Variants in FREM1 observed in about 807,000 individuals in gnomAD.
FREM1 encodes FRAS1-related extracellular matrix protein 1.
In FREM1, 220 loss-of-function variants were observed where a neutral mutation model predicts 210.1. That is an observed-to-expected ratio of 1.05 (90% CI 0.94 to 1.17). The LOEUF is 1.17. Ranked by LOEUF, FREM1 falls within the 50% of genes most tolerant of loss-of-function variation. The pLI, the probability that FREM1 is intolerant of heterozygous loss-of-function variation, is 0.00. For missense variants in FREM1, 3,454 were observed against 2,675.5 expected (o/e 1.29, Z -6.42); for synonymous variants, 1,189 against 980.2 (o/e 1.21, Z -3.98).
intron 10 of FREM1, among the ~76,000 whole-genome samples, chr9:14,835,190 C>T (rs1344774537): frequency 1.3e-5 from 2 of 152,138 alleles, no homozygotes; most frequent in East Asian, 1.9e-4. Context: ...ATTGCTGATC[C>T]TTGTTTAGTT....
chr9:14,778,607 CAAAAAAAAAAAA>C (rs1169611171), intron 24 of FREM1, among the ~76,000 whole-genome samples: 3,869 of 31,238 alleles, frequency 0.12, 354 homozygotes, highest in East Asian at 0.51. Context: ...GAACCTGTCT[CAAAAAAAAAAAA>C]AAAAAAAAAA....
intron 22 of FREM1, among the ~76,000 whole-genome samples, chr9:14,790,073 T>C (rs903353418): frequency 1.4e-4 from 22 of 152,202 alleles, no homozygotes; most frequent in African/African-American, 5.3e-4. Context: ...TTCCCCTTGA[T>C]ACTTTGGTCC....
intron 6 of FREM1, among the ~76,000 whole-genome samples, chr9:14,849,058 C>T (rs1170321096): frequency 1.3e-5 from 2 of 152,164 alleles, no homozygotes; most frequent in Non-Finnish European, 2.9e-5. Context: ...AGGAGACCAA[C>T]CCCTTCCCAC....
chr9:14,885,453 C>T (rs1480084035), intron 1 of FREM1, among the ~76,000 whole-genome samples: 4 of 151,074 alleles, frequency 2.6e-5, no homozygotes, highest in Non-Finnish European at 3.0e-5. Flanking sequence ...GGGGTTTCAC[C>T]CTGTCGCCCA....
chr9:14,903,499 G>C (rs1378928837), intron 1 of FREM1, among the ~76,000 whole-genome samples: 1 of 152,066 alleles, frequency 6.6e-6, no homozygotes, highest in Admixed American at 6.6e-5. Context: ...CATCCTTATT[G>C]AGATCCTTCC....
At chr9:14,794,713 G>A (rs186139040) in intron 21 of FREM1, among the ~76,000 whole-genome samples, 41 of 152,260 alleles carry the variant, frequency 2.7e-4, no homozygotes, top group African/African-American at 9.6e-4. Flanking sequence ...ATAAAGTGGA[G>A]ATTGGGCCGG....
intron 24 of FREM1, among the ~76,000 whole-genome samples, chr9:14,783,120 A>G (rs1238995836): frequency 6.6e-6 from 1 of 152,246 alleles, no homozygotes; most frequent in African/African-American, 2.4e-5. Flanking sequence ...AGAAAAAAAT[A>G]AGATATTCGT....
chr9:14,800,190 A>G (rs1013599582), intron 20 of FREM1, among the ~76,000 whole-genome samples: 10 of 152,162 alleles, frequency 6.6e-5, no homozygotes, highest in African/African-American at 2.4e-4. Flanking sequence ...AACAAGTGCT[A>G]AGATGAAACA....
intron 24 of FREM1, among the ~76,000 whole-genome samples, chr9:14,777,353 T>A (rs1416204498): frequency 1.3e-5 from 2 of 152,046 alleles, no homozygotes; most frequent in African/African-American, 2.4e-5. Context: ...CATGAAATTA[T>A]GCAAACAAGG....
At chr9:14,750,028 A>G in intron 30 of FREM1, 99 bp downstream of exon 30, 1 of 1,229,668 alleles carries the variant, frequency 8.1e-7, no homozygotes, top group Non-Finnish European at 1.2e-6. Context: ...GAAATTAAGC[A>G]TTTTGATTTG....
intron 19 of FREM1, among the ~76,000 whole-genome samples, chr9:14,802,932 C>G (rs1333112987): frequency 2.0e-5 from 3 of 152,154 alleles, no homozygotes; most frequent in African/African-American, 7.2e-5. Flanking sequence ...GGCAATTAAG[C>G]CTTGAAGGAC....
chr9:14,840,893 G>C (rs989770349), intron 10 of FREM1, among the ~76,000 whole-genome samples: 1 of 152,204 alleles, frequency 6.6e-6, no homozygotes, highest in African/African-American at 2.4e-5. Context: ...TCTAGTGGTA[G>C]AAGAGACTCT....
chr9:14,860,358 G>A (rs924627445), intron 3 of FREM1, among the ~76,000 whole-genome samples: 1 of 151,736 alleles, frequency 6.6e-6, no homozygotes, highest in African/African-American at 2.4e-5. Context: ...TATTTCAAAT[G>A]TGCTGAAGAC....
intron 19 of FREM1, among the ~76,000 whole-genome samples, chr9:14,803,452 C>T (rs1233512970): frequency 1.3e-5 from 2 of 151,834 alleles, no homozygotes; most frequent in Non-Finnish European, 2.9e-5. Flanking sequence ...CTCACCCACC[C>T]AGGCTTAAGC....
intron 1 of FREM1, among the ~76,000 whole-genome samples, chr9:14,874,815 CT>C (rs1203341754): frequency 6.6e-6 from 1 of 152,138 alleles, no homozygotes; most frequent in Non-Finnish European, 1.5e-5. Flanking sequence ...CCGGTTGTTC[CT>C]TTCCATATTT....
At chr9:14,860,383 G>T (rs901557476) in intron 3 of FREM1, among the ~76,000 whole-genome samples, 8 of 151,774 alleles carry the variant, frequency 5.3e-5, no homozygotes, top group African/African-American at 1.9e-4. Context: ...AGGGGAAGAA[G>T]CTCCTCTAAC....
chr9:14,885,264 T>C (rs1471523752), intron 1 of FREM1, among the ~76,000 whole-genome samples: 1 of 152,132 alleles, frequency 6.6e-6, no homozygotes, highest in African/African-American at 2.4e-5. Flanking sequence ...TCTAGGTAGT[T>C]ATCACCATTT....
chr9:14,823,266 C>T lies in FREM1; in HGVS notation c.2231G>A (p.Cys744Tyr), dbSNP rs369460308. Reference sequence around the variant, plus strand: ...AGAAAATGTGAACTGGACATCTCTGCAATGGGGACCAATGTCTTGCATGGG... The same window carrying T: ...AGAAAATGTGAACTGGACATCTCTGTAATGGGGACCAATGTCTTGCATGGG... The part of the protein sequence containing the change: ...MPPMQDIGPH[C>Y]RDVQFTFSVS... The change falls in exon 13 of 37, where the codon TGC becomes TAC. Residue 744 changes from cysteine to tyrosine, a missense_variant. Coordinates refer to ENST00000380880, the MANE Select transcript of FREM1 (RefSeq NM_001379081.2). 132 of 1,613,808 alleles carry T rather than the reference C, an allele frequency of 8.2e-5. No homozygotes were observed. The highest frequency in any genetic ancestry group is 1.1e-4 in the Non-Finnish European group (128 of 1,179,844).
At chr9:14,827,269 T>C (rs1477259107) in intron 10 of FREM1, among the ~76,000 whole-genome samples, 1 of 152,140 alleles carries the variant, frequency 6.6e-6, no homozygotes, top group African/African-American at 2.4e-5. Flanking sequence ...GATAAGGTCT[T>C]AGATGGAAAT....
Sources: gnomAD v4.1 joint callset for allele counts (sites outside exome capture counted in the v4.1 genomes callset) on GRCh38, gnomAD v4.1.1 for gene constraint, MANE v1.5 for transcripts, NCBI Gene and HGNC (gene_info 2026-07-23, HGNC 2026-07-21) for gene names.